Variants in DIP2C observed in about 807,000 individuals in gnomAD.
DIP2C encodes the protein DIP2 acetate--CoA ligase C (putative).
Under a neutral mutation model 192.4 loss-of-function variants are expected in DIP2C, and 33 were observed. The observed-to-expected ratio is 0.17, with a 90% CI of 0.13 to 0.23. The LOEUF is 0.23. Among genes scored for constraint, DIP2C ranks in the 10% least tolerant of loss-of-function variants. The probability of loss-of-function intolerance (pLI) is 1.00; values close to 1 mark genes in which losing one functional copy is unlikely to be tolerated. For missense variants in DIP2C, 1,537 were observed against 2,110.1 expected (o/e 0.73, Z 5.32); for synonymous variants, 979 against 864.1 (o/e 1.13, Z -2.33).
chr10:319,038 G>A (rs189848755), intron 31 of DIP2C, among the ~76,000 whole-genome samples: 330 of 151,812 alleles, frequency 2.2e-3, no homozygotes, highest in Non-Finnish European at 4.1e-3. Flanking sequence ...TCAGCCTCCC[G>A]AGTAGCTGGG....
intron 1 of DIP2C, among the ~76,000 whole-genome samples, chr10:519,861 G>T (rs1018517689): frequency 6.6e-5 from 10 of 152,246 alleles, no homozygotes; most frequent in African/African-American, 2.2e-4. Flanking sequence ...TTGCCATTGA[G>T]GGGGAGGGGC....
chr10:481,034 T>G (rs542633020), intron 2 of DIP2C, among the ~76,000 whole-genome samples: 1 of 152,128 alleles, frequency 6.6e-6, no homozygotes, highest in African/African-American at 2.4e-5. Context: ...CCCGGGACCC[T>G]CCAGCCCAGG....
At chr10:281,478 C>T (rs1015103896) in intron 35 of DIP2C, among the ~76,000 whole-genome samples, 155 bp from the exon 36 acceptor site, 2 of 152,250 alleles carry the variant, frequency 1.3e-5, no homozygotes, top group Admixed American at 1.3e-4. Flanking sequence ...CCTTCTGCCA[C>T]GGAGCTCCTT....
intron 1 of DIP2C, among the ~76,000 whole-genome samples, chr10:562,825 A>G (rs892015101): frequency 1.3e-5 from 2 of 152,230 alleles, no homozygotes; most frequent in Non-Finnish European, 2.9e-5. Flanking sequence ...AGAAATCCAT[A>G]ACATCAAACA....
intron 1 of DIP2C, among the ~76,000 whole-genome samples, chr10:568,900 A>C (rs1849612500): frequency 6.6e-6 from 1 of 152,050 alleles, no homozygotes; most frequent in Non-Finnish European, 1.5e-5. Context: ...TAACAAAATC[A>C]AAAATGCCAA....
Position 304,845 on chromosome 10 carries a change from T to G in DIP2C, c.3986+5186A>C, listed in dbSNP as rs1350307616. Among the ~76,000 whole-genome samples, 6 of 151,800 alleles carry G rather than the reference T, an allele frequency of 4.0e-5. No individual in the cohort carries two copies. In the East Asian group the frequency reaches 1.2e-3, roughly 29 times the overall value. On this transcript the variant is annotated intron_variant, in intron 32 of 36. Transcript: ENST00000280886. Reference sequence around the variant, plus strand: ...TGCATTCTTGCAAACCCTCATATACTTGTACCACATACAGGCACCCACCCA... The same window carrying G: ...TGCATTCTTGCAAACCCTCATATACGTGTACCACATACAGGCACCCACCCA...
At chr10:310,189 T>TA in intron 31 of DIP2C, 97 bp from the exon 32 acceptor site, 1 of 1,217,690 alleles carries the variant, frequency 8.2e-7, no homozygotes, top group East Asian at 2.3e-5. Context: ...TGTAAAATCT[T>TA]AAAGTGAAAA....
intron 4 of DIP2C, among the ~76,000 whole-genome samples, chr10:424,906 T>C (rs573116971): frequency 6.6e-6 from 1 of 152,254 alleles, no homozygotes; most frequent in East Asian, 1.9e-4. Context: ...AAACAGCATA[T>C]GACACGGATG....
intron 9 of DIP2C, among the ~76,000 whole-genome samples, chr10:404,062 A>G (rs866329670): frequency 3.9e-5 from 5 of 129,232 alleles, no homozygotes; most frequent in Admixed American, 1.6e-4. Context: ...AGTTTGGTAC[A>G]TTTTCATCAG....
chr10:481,556 G>A (rs1843610160), intron 2 of DIP2C, among the ~76,000 whole-genome samples: 1 of 152,242 alleles, frequency 6.6e-6, no homozygotes, highest in Admixed American at 6.5e-5. Flanking sequence ...ATTGGATGGT[G>A]CTGAGGTACA....
chr10:570,565 G>A (rs1319381053), intron 1 of DIP2C, among the ~76,000 whole-genome samples: 1 of 152,144 alleles, frequency 6.6e-6, no homozygotes, highest in African/African-American at 2.4e-5. Context: ...TTCAGTACCT[G>A]CACCCAACAC....
chr10:313,212 C>T (rs564885240), intron 31 of DIP2C, among the ~76,000 whole-genome samples: 11 of 152,176 alleles, frequency 7.2e-5, no homozygotes, highest in African/African-American at 1.2e-4. Flanking sequence ...ATACGGAGAT[C>T]CCTAATGCAA....
chr10:357,791 G>A (rs757478887), intron 23 of DIP2C, 37 bp downstream of exon 23: 33 of 1,527,094 alleles, frequency 2.2e-5, no homozygotes, highest in Non-Finnish European at 2.4e-5. Flanking sequence ...CGGAAAAGTC[G>A]GGGACGGTCG....
At chr10:297,346 T>TC (rs1340220322) in intron 32 of DIP2C, among the ~76,000 whole-genome samples, 1 of 140,804 alleles carries the variant, frequency 7.1e-6, no homozygotes, top group Non-Finnish European at 1.5e-5. Context: ...GGAAATGAAA[T>TC]CATCAGTGTA....
intron 1 of DIP2C, among the ~76,000 whole-genome samples, chr10:584,487 C>A (rs557456717): frequency 1.3e-4 from 19 of 144,702 alleles, no homozygotes; most frequent in African/African-American, 4.7e-4. Flanking sequence ...CTGGCCCCCA[C>A]TCACGCGCAT....
chr10:389,829 G>A (rs2132943935), intron 13 of DIP2C, among the ~76,000 whole-genome samples, 162 bp downstream of exon 13: 1 of 152,360 alleles, frequency 6.6e-6, no homozygotes, highest in South Asian at 2.1e-4. Flanking sequence ...ATTTGCTATG[G>A]TAGGCTGAGC....
At position 387,875 on chromosome 10, in the gene DIP2C, C is replaced by G. The variant is rs74935672; in HGVS notation, c.1598-66G>C. On this transcript the variant is annotated intron_variant, in intron 13 of 36. Coordinates refer to ENST00000280886, the MANE Select transcript of DIP2C (RefSeq NM_014974.3). The stretch of plus-strand genomic sequence containing the variant: ...GGGCGGCAACAGATCAAAATGCAAA[C>G]AAAATCCAATATTGCATCAGGGGAA... 3.4e-3 allele frequency: 5,083 copies of G among 1,496,314 alleles called. 34 individuals carry two copies. Among genetic ancestry groups the G allele is most frequent in the Middle Eastern group, 0.016 (91 of 5,868 alleles). The allele number at this position is 1,496,314 out of a possible 1,614,324, so 92.7% of individuals were successfully genotyped here.
Position 362,494 on chromosome 10 carries a change from C to G in DIP2C, c.2790G>C (p.Gln930His), listed in dbSNP as rs374768619. The change falls in exon 22 of 37, where the codon CAG becomes CAC. Residue 930 changes from glutamine (Q) to histidine (H), a missense_variant. By Grantham distance (24) the Gln-to-His change is conservative (BLOSUM62 0). This residue lies in a region of DIP2C where 677 missense variants were observed against 989.9 expected (regional missense o/e 0.68). Transcript: ENST00000280886. ...VTNLPKPRQK[Q>H]PEIGPASVMV... ...CTGCCCAAGTGGTGCACATACCTGGCTGCTTCTGTCGAGGCTTAGGCAAGT... is the reference window on the plus strand; with the variant it reads ...CTGCCCAAGTGGTGCACATACCTGGGTGCTTCTGTCGAGGCTTAGGCAAGT... 4 of 1,613,346 alleles carry G rather than the reference C, an allele frequency of 2.5e-6. No homozygotes were observed. In the African/African-American group the frequency reaches 5.3e-5, roughly 22 times the overall value.
chr10:597,608 G>A (rs1000319451), intron 1 of DIP2C, among the ~76,000 whole-genome samples: 9 of 152,206 alleles, frequency 5.9e-5, no homozygotes, highest in Admixed American at 3.9e-4. Context: ...ACAAAAATGA[G>A]AACAGTAAAG....
Sources: gnomAD v4.1 joint callset for allele counts (sites outside exome capture counted in the v4.1 genomes callset) on GRCh38, gnomAD v4.1.1 for gene constraint, gnomAD v4.1.1 regional missense constraint, MANE v1.5 for transcripts, NCBI Gene and HGNC (gene_info 2026-07-23, HGNC 2026-07-21) for gene names.